The following FANCI variants were observed in gnomAD, a reference collection of about 807,000 sequenced individuals.
The protein encoded by FANCI is Fanconi anemia group I protein.
A neutral mutation model predicts 176.1 loss-of-function variants in FANCI; 156 were observed. That is an observed-to-expected ratio of 0.89 (90% confidence interval 0.78 to 1.01). FANCI has a LOEUF of 1.01. Ranked by LOEUF, FANCI falls within the 50% of genes least tolerant of loss-of-function variation. The probability of loss-of-function intolerance (pLI) is 0.00; values close to 1 mark genes in which losing one functional copy is unlikely to be tolerated. For missense variants in FANCI, 1,678 were observed against 1,534.1 expected, an observed-to-expected ratio of 1.09 and a Z score of -1.57; for synonymous variants, 613 against 541.7, an observed-to-expected ratio of 1.13 and a Z score of -1.83.
At chr15:89,305,745 C>A in intron 31 of FANCI, 47 bp downstream of exon 31, 2 of 1,573,838 alleles carry the variant, frequency 1.3e-6, no homozygotes, top group South Asian at 2.2e-5. Flanking sequence ...TGAGCAAGGT[C>A]AAAATTCATA....
intron 3 of FANCI, 108 bp from the exon 4 acceptor site, chr15:89,260,605 G>A (rs1045762289): frequency 9.1e-5 from 131 of 1,431,778 alleles, no homozygotes; most frequent in Middle Eastern, 2.3e-4. Context: ...GTAATCAGTC[G>A]TTTGATAATT....
In FANCI at chr15:89,278,757, C is replaced by A; in HGVS notation, c.1364C>A (p.Pro455His). 6.2e-7 allele frequency: 1 copy of A among 1,613,198 alleles called. No homozygotes were observed. Among genetic ancestry groups the A allele is most frequent in the Non-Finnish European group, 8.5e-7 (1 of 1,179,258 alleles). ...LNRVVTRASS[P>H]ISHFLDLLSN... ...AGGGTTGTTACCAGAGCATCTTCTC[C>A]CATCAGTCATTTCTTAGGTATTCAA... Residue 455 changes from proline (P) to histidine (H), a missense_variant, in exon 14 of 38, where the codon CCC (proline) becomes CAC (histidine). By Grantham distance (77) the Pro-to-His change is moderately conservative. Around this residue, in one of 3 missense-constraint regions of FANCI, gnomAD observed 1,204 missense variants for 1,077.4 expected, o/e 1.12. Coordinates refer to ENST00000310775, the MANE Select transcript of FANCI (RefSeq NM_001113378.2).
intron 10 of FANCI, among the ~76,000 whole-genome samples, chr15:89,269,701 G>C (rs1002667567): frequency 1.3e-5 from 2 of 152,196 alleles, no homozygotes; most frequent in Admixed American, 6.5e-5. Flanking sequence ...GTTCCAGCAA[G>C]AAGGCAGCCA....
Position 89,273,309 on chromosome 15 carries a change from TTAAAAAAA to T in FANCI, c.883-67_883-60del, listed in dbSNP as rs1224293402. The T allele has an allele frequency of 3.8e-4, 283 of 752,764 alleles. 2 individuals carry two copies. In the Middle Eastern group the frequency reaches 0.02, roughly 52 times the overall value. 46.6% of individuals were successfully genotyped at this position (752,764 alleles called of 1,614,324 possible). A position where few individuals can be genotyped will look rare whatever the true frequency, so the allele number is the denominator to read the frequency against. ...ACAGAGAGACCCAATCTTTTTTTTT[TTAAAAAAA>T]AAAAAAAAAGAAAAAAGAAAATGTA... On this transcript the variant is annotated intron_variant, in intron 10 of 37. Coordinates refer to ENST00000310775, the MANE Select transcript of FANCI (RefSeq NM_001113378.2).
At chr15:89,286,892 T>C (rs1401496675) in intron 18 of FANCI, among the ~76,000 whole-genome samples, 2 of 151,872 alleles carry the variant, frequency 1.3e-5, no homozygotes, top group Admixed American at 1.3e-4. Context: ...TTGTTTAATA[T>C]AACCACCTCG....
At position 89,274,179 on chromosome 15, in the gene FANCI, T is replaced by C; in HGVS notation, c.987T>C (p.Leu329=). 1 of 1,569,636 alleles carries C rather than the reference T, an allele frequency of 6.4e-7. No homozygotes were observed. Among genetic ancestry groups the C allele is most frequent in the East Asian group, 2.3e-5 (1 of 42,628 alleles). The part of the protein sequence containing the change: ...IQRFQDQVLD[L]LKTSVVKSFK... ...TAACTATACTCAAGGTGCTTGATCT[T>C]TTAAAGACTTCGGTTGTAAAGAGCT... Residue 329 remains leucine, a synonymous_variant, in exon 12 of 38, where the codon CTT becomes CTC. Coordinates refer to ENST00000310775, the MANE Select transcript of FANCI (RefSeq NM_001113378.2).
chr15:89,263,567 A>G (rs1191590910), intron 7 of FANCI, 107 bp downstream of exon 7: 2 of 1,001,452 alleles, frequency 2.0e-6, no homozygotes, highest in African/African-American at 3.2e-5. Flanking sequence ...GATTGTAAGA[A>G]TATTAGTAGT....
At chr15:89,268,351 A>T in intron 9 of FANCI, 48 bp from the exon 10 acceptor site, 1 of 1,611,750 alleles carries the variant, frequency 6.2e-7, no homozygotes, top group East Asian at 2.2e-5. Flanking sequence ...CATTACAGGC[A>T]TGAGCCACTG....
chr15:89,258,555 C>G (rs950602331), intron 2 of FANCI, 149 bp from the exon 3 acceptor site: 2 of 726,356 alleles, frequency 2.8e-6, no homozygotes, highest in Admixed American at 1.9e-5. Flanking sequence ...AAGATATACC[C>G]TCCTCTGTCT....
At chr15:89,313,778 G>T (rs1409422255) in intron 35 of FANCI, among the ~76,000 whole-genome samples, 2 of 151,810 alleles carry the variant, frequency 1.3e-5, no homozygotes, top group Admixed American at 1.3e-4. Flanking sequence ...TGGCTAAATA[G>T]GTTATAATAT....
At chr15:89,316,220 T>G in intron 37 of FANCI, 177 bp from the exon 38 acceptor site, 1 of 673,266 alleles carries the variant, frequency 1.5e-6, no homozygotes, top group Non-Finnish European at 2.6e-6. Context: ...CTCTACACTT[T>G]GGAGGACTCC....
chr15:89,268,730 G>C (rs779639914), intron 10 of FANCI: 13 of 567,610 alleles, frequency 2.3e-5, no homozygotes, highest in Non-Finnish European at 3.7e-5. Context: ...CACTTTAGCA[G>C]TATACCACAT....
intron 16 of FANCI, chr15:89,282,673 C>G (rs919336203): frequency 5.7e-5 from 13 of 228,248 alleles, no homozygotes; most frequent in African/African-American, 2.7e-4. Context: ...ACATCTTTAA[C>G]ATGAATTAAT....
At position 89,293,815 on chromosome 15, in the gene FANCI, CTTTT is replaced by C; in HGVS notation, c.2292-15_2292-12del. 2 of 1,612,554 alleles carry C rather than the reference CTTTT, an allele frequency of 1.2e-6. No homozygotes were observed. The highest frequency in any genetic ancestry group is 1.7e-6 in the Non-Finnish European group (2 of 1,179,452). On this transcript the variant is annotated splice_polypyrimidine_tract_variant and intron_variant, in intron 22 of 37. Coordinates refer to ENST00000310775, the MANE Select transcript of FANCI (RefSeq NM_001113378.2). The stretch of plus-strand genomic sequence containing the variant: ...TTCTGATGTTTGTCCTTAGCGGTCT[CTTTT>C]TTGTTTTTTACAGTAAGAATAGGTT...
intron 18 of FANCI, among the ~76,000 whole-genome samples, chr15:89,285,974 G>T (rs12904440): frequency 0.4 from 60,187 of 151,216 alleles, 12,009 homozygotes; most frequent in African/African-American, 0.41. Flanking sequence ...TCCAAACATT[G>T]TTCCAAACTT....
intron 24 of FANCI, among the ~76,000 whole-genome samples, chr15:89,296,165 A>T (rs2054260787): frequency 6.6e-6 from 1 of 151,934 alleles, no homozygotes; most frequent in Non-Finnish European, 1.5e-5. Context: ...GGGTTTCACC[A>T]TGTTGGCCAG....
At chr15:89,307,419 C>T in intron 32 of FANCI, 57 bp from the exon 33 acceptor site, 1 of 1,516,434 alleles carries the variant, frequency 6.6e-7, no homozygotes, top group Non-Finnish European at 9.1e-7. Flanking sequence ...CTCACTGCAG[C>T]AGTCACTTGT....
At chr15:89,290,033 G>C (rs1025776057) in intron 18 of FANCI, among the ~76,000 whole-genome samples, 180 bp from the exon 19 acceptor site, 2 of 152,108 alleles carry the variant, frequency 1.3e-5, no homozygotes, top group East Asian at 1.9e-4. Flanking sequence ...CTAAGACTAG[G>C]ACATTTTGGG....
chr15:89,265,107 A>G (rs142218276), intron 9 of FANCI, among the ~76,000 whole-genome samples: 57 of 152,360 alleles, frequency 3.7e-4, no homozygotes, highest in Admixed American at 3.5e-3. Context: ...GATAAGATCC[A>G]TAATATATAG....
Sources: allele counts gnomAD v4.1 joint callset (sites outside exome capture counted in the v4.1 genomes callset), GRCh38; gene constraint gnomAD v4.1.1; regional missense constraint gnomAD v4.1.1; transcripts MANE v1.5; gene names NCBI Gene and HGNC (gene_info 2026-07-23, HGNC 2026-07-21).